Variants in TOLLIP observed in about 807,000 individuals in gnomAD.
The protein encoded by TOLLIP is toll-interacting protein.
A neutral mutation model predicts 33.5 loss-of-function variants in TOLLIP; 16 were observed. The observed-to-expected ratio is 0.48, with a 90% CI of 0.32 to 0.72. The LOEUF is 0.72. Among genes scored for constraint, TOLLIP ranks in the 30% least tolerant of loss-of-function variants. The probability of loss-of-function intolerance (pLI) is 0.03; values close to 1 mark genes in which losing one functional copy is unlikely to be tolerated. For missense variants in TOLLIP, 325 were observed against 396.6 expected, an observed-to-expected ratio of 0.82 and a Z score of 1.53; for synonymous variants, 176 against 163.7, an observed-to-expected ratio of 1.07 and a Z score of -0.57.
intron 1 of TOLLIP, among the ~76,000 whole-genome samples, chr11:1,297,426 C>T (rs1370621133): frequency 6.6e-6 from 1 of 152,180 alleles, no homozygotes; most frequent in Non-Finnish European, 1.5e-5. Flanking sequence ...AGAAGGGACC[C>T]GGACGATCCA....
intron 1 of TOLLIP, among the ~76,000 whole-genome samples, chr11:1,297,630 TGA>T (rs900564700): frequency 9.2e-5 from 14 of 152,374 alleles, no homozygotes; most frequent in Admixed American, 8.5e-4. Flanking sequence ...CTTTGCCCTG[TGA>T]GAGAAGCCGT....
In TOLLIP at chr11:1,288,812, G is replaced by C. The variant is rs1434901849; in HGVS notation, c.367-36C>G. On this transcript the variant is annotated intron_variant, in intron 3 of 5. Coordinates refer to ENST00000317204, the MANE Select transcript of TOLLIP (RefSeq NM_019009.4). ...CAAGAGGGAGAGGCCCCAGGCATCA[G>C]GGAAGGGGCCACCCTGCCCCTGCAG... The C allele has an allele frequency of 1.9e-6, 3 of 1,600,232 alleles. No individual in the cohort carries two copies. The East Asian group carries it at 6.7e-5, about 36-fold the overall frequency.
In TOLLIP at chr11:1,309,499, G is replaced by A; in HGVS notation, c.-1C>T. The A allele has an allele frequency of 7.6e-7, 1 of 1,312,410 alleles. No homozygotes were observed. The highest frequency in any genetic ancestry group is 1.9e-5 in the South Asian group (1 of 52,950). 81.3% of individuals were successfully genotyped at this position (1,312,410 alleles called of 1,614,324 possible). ...GCTGAGTGCTGACGGTGGTCGCCAT[G>A]GTGCTGCGGCGGCCCCCGTGGCTCG... On this transcript the variant is annotated 5_prime_UTR_variant, in exon 1 of 6. Coordinates refer to ENST00000317204, the MANE Select transcript of TOLLIP (RefSeq NM_019009.4).
chr11:1,290,207 A>G lies in TOLLIP; in HGVS notation c.366+20T>C. ...CTCAGCCACGTGCAGCCTCCATAAT[A>G]GCTGGCACGTCCCTCTCACCTCATC... On this transcript the variant is annotated intron_variant, in intron 3 of 5. Transcript: ENST00000317204. This position sits in a 1 kb window ranked among gnomAD's most constrained non-coding sequence, Gnocchi z 4.9. 6.2e-7 allele frequency: 1 copy of G among 1,608,718 alleles called. No homozygotes were observed. Among genetic ancestry groups the G allele is most frequent in the Non-Finnish European group, 8.5e-7 (1 of 1,176,558 alleles).
Position 1,290,113 on chromosome 11 carries a change from G to A in TOLLIP, c.366+114C>T. Reference sequence around the variant, plus strand: ...TCATGCACCCAATGAAACACCAGGTGGGGAGCCACGCCTCGAAGCCAGCCA... The same window carrying A: ...TCATGCACCCAATGAAACACCAGGTAGGGAGCCACGCCTCGAAGCCAGCCA... On this transcript the variant is annotated intron_variant, in intron 3 of 5. Coordinates refer to ENST00000317204, the MANE Select transcript of TOLLIP (RefSeq NM_019009.4). The surrounding 1 kb of genome is among the most constrained non-coding windows in gnomAD (Gnocchi z 4.9). The A allele has an allele frequency of 2.0e-6, 2 of 1,015,150 alleles. No individual in the cohort carries two copies. Among genetic ancestry groups the A allele is most frequent in the Non-Finnish European group, 2.9e-6 (2 of 682,212 alleles). 62.9% of individuals were successfully genotyped at this position (1,015,150 alleles called of 1,614,324 possible).
intron 5 of TOLLIP, among the ~76,000 whole-genome samples, chr11:1,280,410 A>G (rs1362720409): frequency 6.6e-6 from 1 of 152,106 alleles, no homozygotes; most frequent in African/African-American, 2.4e-5. Flanking sequence ...GTGGACGGGC[A>G]TTCATGTCCT....
intron 2 of TOLLIP, chr11:1,295,442 T>C (rs1864083275): frequency 1.7e-6 from 1 of 579,304 alleles, no homozygotes; most frequent in Non-Finnish European, 2.9e-6. Flanking sequence ...ACTCATCACT[T>C]GAGTTATGTT....
At chr11:1,301,677 G>A (rs937844643) in intron 1 of TOLLIP, among the ~76,000 whole-genome samples, 2 of 152,128 alleles carry the variant, frequency 1.3e-5, no homozygotes, top group Non-Finnish European at 2.9e-5. Context: ...CCAGCCCACG[G>A]AGGCCCCAAC....
At chr11:1,299,543 T>A (rs973160430) in intron 1 of TOLLIP, among the ~76,000 whole-genome samples, 2 of 152,204 alleles carry the variant, frequency 1.3e-5, no homozygotes, top group African/African-American at 4.8e-5. Context: ...TGCCATATGA[T>A]GATGGAGGAA....
chr11:1,282,450 C>T (rs976685281), intron 5 of TOLLIP, among the ~76,000 whole-genome samples: 27 of 150,128 alleles, frequency 1.8e-4, no homozygotes, highest in Admixed American at 3.3e-4. Flanking sequence ...CGCACATGTA[C>T]CCTAAAACTT....
rs1863899424 is a variant in TOLLIP, at chr11:1,290,488, G to T, written c.184-79C>A. ...GGTTCTCTAGGCCGTCTGCCTCCCT[G>T]AACCCTTCCACGAGGCCTTTTCCTA... On this transcript the variant is annotated intron_variant, in intron 2 of 5. Transcript: ENST00000317204. This position sits in a 1 kb window ranked among gnomAD's most constrained non-coding sequence, Gnocchi z 4.9. 7.1e-7 allele frequency: 1 copy of T among 1,398,902 alleles called. No individual in the cohort carries two copies. Among genetic ancestry groups the T allele is most frequent in the Non-Finnish European group, 9.9e-7 (1 of 1,005,870 alleles). The allele number at this position is 1,398,902 out of a possible 1,614,324, so 86.7% of individuals were successfully genotyped here. A position where few individuals can be genotyped will look rare whatever the true frequency, so the allele number is the denominator to read the frequency against.
At chr11:1,288,483 T>G in intron 4 of TOLLIP, 141 bp downstream of exon 4, 1 of 1,065,314 alleles carries the variant, frequency 9.4e-7, no homozygotes. Flanking sequence ...GCCCCTGCCC[T>G]CTGTCCTCAG....
chr11:1,303,537 C>A lies in TOLLIP; in HGVS notation c.33+5929G>T, dbSNP rs968862299. On this transcript the variant is annotated intron_variant, in intron 1 of 5. Coordinates refer to ENST00000317204, the MANE Select transcript of TOLLIP (RefSeq NM_019009.4). This position sits in a 1 kb window ranked among gnomAD's most constrained non-coding sequence, Gnocchi z 4.2. ...TATGCTGTATGCTAACGGCAGGAGG[C>A]GCTGTGCAAAGAAACAGGGCAAGGC... Among the ~76,000 whole-genome samples the A allele has an allele frequency of 6.6e-6, 1 of 152,240 alleles. No homozygotes were observed. Among genetic ancestry groups the A allele is most frequent in the African/African-American group, 2.4e-5 (1 of 41,470 alleles).
intron 3 of TOLLIP, 125 bp from the exon 4 acceptor site, chr11:1,288,901 C>G (rs1461905668): frequency 7.8e-6 from 8 of 1,031,310 alleles, no homozygotes; most frequent in African/African-American, 3.2e-5. Flanking sequence ...CCCACCTGCA[C>G]CAACACCCCA....
chr11:1,288,566 C>A (rs1863823872), intron 4 of TOLLIP, 58 bp downstream of exon 4: 1 of 1,551,190 alleles, frequency 6.4e-7, no homozygotes, highest in Admixed American at 1.8e-5. Flanking sequence ...GGCGGCATAG[C>A]CCCGACGTGC....
chr11:1,287,308 G>A (rs1286799424), intron 4 of TOLLIP, among the ~76,000 whole-genome samples: 2 of 152,162 alleles, frequency 1.3e-5, no homozygotes, highest in South Asian at 4.1e-4. Context: ...GTCACTCACG[G>A]CCGGGACATG....
Position 1,301,810 on chromosome 11 carries a change from C to T in TOLLIP, c.34-6016G>A, listed in dbSNP as rs370056014. On this transcript the variant is annotated intron_variant, in intron 1 of 5. Coordinates refer to ENST00000317204, the MANE Select transcript of TOLLIP (RefSeq NM_019009.4). ...ACAGCAGGAAGACCTGGGCTGGGCTCGTGGCTAAAGGGACAGAGGAAGCTA... is the reference window on the plus strand; with the variant it reads ...ACAGCAGGAAGACCTGGGCTGGGCTTGTGGCTAAAGGGACAGAGGAAGCTA... Among the ~76,000 whole-genome samples the T allele has an allele frequency of 5.3e-4, 80 of 152,278 alleles. 1 individual carries two copies. In the East Asian group the frequency reaches 0.012, roughly 22 times the overall value.
intron 1 of TOLLIP, among the ~76,000 whole-genome samples, chr11:1,300,906 C>T (rs1270352068): frequency 6.6e-6 from 1 of 152,258 alleles, no homozygotes; most frequent in African/African-American, 2.4e-5. Flanking sequence ...CTCACCGTTC[C>T]CACCCCATGA....
intron 1 of TOLLIP, among the ~76,000 whole-genome samples, chr11:1,301,629 A>G (rs1864281244): frequency 2.0e-5 from 3 of 152,146 alleles, no homozygotes; most frequent in Admixed American, 2.0e-4. Context: ...TCACCCCCAC[A>G]TTGAGAACAA....
Sources: gnomAD v4.1 joint callset for allele counts (sites outside exome capture counted in the v4.1 genomes callset) on GRCh38, gnomAD v4.1.1 for gene constraint, Gnocchi (gnomAD v3.1) non-coding constraint, MANE v1.5 for transcripts, NCBI Gene and HGNC (gene_info 2026-07-23, HGNC 2026-07-21) for gene names.